The following XNDC1N variants were observed in gnomAD, a reference collection of about 807,000 sequenced individuals.
XNDC1N encodes XRCC1 N-terminal domain containing 1, N-terminal like, also known as protein XNDC1N.
chr11:71,891,329 C>G, the XNDC1N span, among the ~76,000 whole-genome samples: 95 of 151,800 alleles, frequency 6.3e-4, no homozygotes, highest in African/African-American at 2.1e-3. Context: ...CTCTCTCCCT[C>G]TGAAAATAGG....
chr11:71,886,210 G>T, the XNDC1N span, among the ~76,000 whole-genome samples: 1 of 152,022 alleles, frequency 6.6e-6, no homozygotes, highest in African/African-American at 2.4e-5. Flanking sequence ...GTCCTATACC[G>T]AAAAGCCACA....
chr11:71,891,588 C>T, the XNDC1N span, among the ~76,000 whole-genome samples: 2 of 152,086 alleles, frequency 1.3e-5, no homozygotes, highest in African/African-American at 4.8e-5. Context: ...CGCGGGTATA[C>T]GTTTCCTACA....
the XNDC1N span, among the ~76,000 whole-genome samples, chr11:71,908,413 G>A: frequency 2.6e-5 from 4 of 151,200 alleles, no homozygotes; most frequent in African/African-American, 9.7e-5. Flanking sequence ...TTATATTATG[G>A]GTTATTAAAA....
chr11:71,887,616 C>A, the XNDC1N span, among the ~76,000 whole-genome samples: 1 of 152,190 alleles, frequency 6.6e-6, no homozygotes, highest in Non-Finnish European at 1.5e-5. Flanking sequence ...GGGCCGGTCC[C>A]CAGAGAAGCC....
At chr11:71,884,331 T>C in the XNDC1N span, 2 of 1,390,880 alleles carry the variant, frequency 1.4e-6, no homozygotes, top group Non-Finnish European at 1.9e-6. Flanking sequence ...TTTTAATTTA[T>C]TATAAAACAT....
At chr11:71,889,035 G>T in the XNDC1N span, among the ~76,000 whole-genome samples, 1 of 152,190 alleles carries the variant, frequency 6.6e-6, no homozygotes, top group East Asian at 1.9e-4. Flanking sequence ...GAGGTGGAGG[G>T]TATGCAGGGG....
chr11:71,899,196 C>T, the XNDC1N span, among the ~76,000 whole-genome samples: 1 of 152,152 alleles, frequency 6.6e-6, no homozygotes, highest in South Asian at 2.1e-4. Context: ...TGCCTCCAGC[C>T]CTGCAGTGTG....
chr11:71,893,781 G>T, the XNDC1N span: 4 of 1,095,304 alleles, frequency 3.7e-6, no homozygotes, highest in East Asian at 4.9e-5. Flanking sequence ...TTTCCTTCTT[G>T]CTCCTTTTTG....
At chr11:71,871,193 C>A in the XNDC1N span, among the ~76,000 whole-genome samples, 1 of 152,138 alleles carries the variant, frequency 6.6e-6, no homozygotes, top group Admixed American at 6.6e-5. Context: ...GAATACTATT[C>A]TACCTTAAAG....
the XNDC1N span, chr11:71,919,059 T>C: frequency 1.4e-6 from 1 of 701,052 alleles, no homozygotes; most frequent in Non-Finnish European, 2.6e-6. Context: ...ATCAGGAATC[T>C]CACTGCGCCC....
At chr11:71,900,783 G>A in the XNDC1N span, among the ~76,000 whole-genome samples, 25 of 152,148 alleles carry the variant, frequency 1.6e-4, no homozygotes, top group African/African-American at 4.3e-4. Context: ...TTTCATCTGC[G>A]TAGTCTCCAC....
chr11:71,875,013 G>A, the XNDC1N span, among the ~76,000 whole-genome samples: 549 of 152,270 alleles, frequency 3.6e-3, 3 homozygotes, highest in African/African-American at 0.013. Context: ...CTTGGGTCAG[G>A]AGACCTAGCC....
At chr11:71,889,342 G>A in the XNDC1N span, among the ~76,000 whole-genome samples, 2 of 152,216 alleles carry the variant, frequency 1.3e-5, no homozygotes, top group Admixed American at 6.5e-5. Flanking sequence ...GGACACCAGC[G>A]AGCTTCCACC....
the XNDC1N span, among the ~76,000 whole-genome samples, chr11:71,885,794 T>A: frequency 6.6e-6 from 1 of 151,884 alleles, no homozygotes; most frequent in African/African-American, 2.4e-5. Flanking sequence ...TAATATTAAT[T>A]CTTAGGAGCT....
chr11:71,884,833 C>A, the XNDC1N span, among the ~76,000 whole-genome samples: 182 of 152,080 alleles, frequency 1.2e-3, no homozygotes, highest in Non-Finnish European at 2.3e-3. Context: ...CCTTTTGCCC[C>A]CCTGGCTCTT....
At chr11:71,926,903 A>AAAATG in the XNDC1N span, among the ~76,000 whole-genome samples, 11 of 143,380 alleles carry the variant, frequency 7.7e-5, no homozygotes, top group Admixed American at 2.1e-4. Flanking sequence ...TCTGTCTCAA[A>AAAATG]AAATGAAATA....
the XNDC1N span, among the ~76,000 whole-genome samples, chr11:71,879,249 T>G: frequency 6.6e-6 from 1 of 151,796 alleles, no homozygotes; most frequent in Non-Finnish European, 1.5e-5. Flanking sequence ...AAAACTCATA[T>G]GATATCATTT....
chr11:71,896,252 C>G, the XNDC1N span, among the ~76,000 whole-genome samples: 3 of 152,172 alleles, frequency 2.0e-5, no homozygotes, highest in Middle Eastern at 3.2e-3. Context: ...GTACACCAAC[C>G]TGGGCAACAG....
the XNDC1N span, among the ~76,000 whole-genome samples, chr11:71,912,600 G>A: frequency 4.4e-4 from 67 of 152,278 alleles, no homozygotes; most frequent in Admixed American, 1.2e-3. Flanking sequence ...AAACACAAAA[G>A]GGTGAACAAC....
Sources: allele counts gnomAD v4.1 joint callset (sites outside exome capture counted in the v4.1 genomes callset), GRCh38; gene constraint gnomAD v4.1.1; transcripts MANE v1.5; gene names NCBI Gene and HGNC (gene_info 2026-07-23, HGNC 2026-07-21).